The following STAG1 variants were observed in gnomAD, a reference collection of about 807,000 sequenced individuals.
STAG1 encodes the protein STAG1 cohesin complex component.
STAG1 carries 26 observed loss-of-function variants against 170.9 expected under a neutral mutation model. That is an observed-to-expected ratio of 0.15 (90% CI 0.11 to 0.21). The LOEUF is 0.21. Among genes scored for constraint, STAG1 ranks in the 10% least tolerant of loss-of-function variants. The pLI is 1.00. For synonymous variants in STAG1, 514 were observed against 497.7 expected (o/e 1.03, Z -0.44); for missense variants, 964 against 1,509.5 (o/e 0.64, Z 5.99).
At chr3:136,464,768 G>C in intron 13 of STAG1, 113 bp downstream of exon 13, 2 of 797,888 alleles carry the variant, frequency 2.5e-6, no homozygotes, top group Non-Finnish European at 4.0e-6. Flanking sequence ...TGGAGTATCA[G>C]ATGGACATTT....
chr3:136,540,024 C>T (rs1274344057), intron 6 of STAG1, among the ~76,000 whole-genome samples: 1 of 151,790 alleles, frequency 6.6e-6, no homozygotes, highest in African/African-American at 2.4e-5. Flanking sequence ...TTCTTGTCAT[C>T]AGATCTTTTA....
intron 4 of STAG1, among the ~76,000 whole-genome samples, chr3:136,600,682 C>G (rs2107803573): frequency 6.6e-6 from 1 of 152,214 alleles, no homozygotes; most frequent in South Asian, 2.1e-4. Flanking sequence ...CAGGCTTGCG[C>G]AACCATGCCC....
At chr3:136,660,476 C>T (rs535298984) in intron 1 of STAG1, among the ~76,000 whole-genome samples, 8 of 151,714 alleles carry the variant, frequency 5.3e-5, no homozygotes, top group Non-Finnish European at 8.8e-5. Context: ...ATGTTTTTCA[C>T]GAGAAAAAAA....
At chr3:136,470,627 C>G (rs187721703) in intron 12 of STAG1, among the ~76,000 whole-genome samples, 4 of 152,294 alleles carry the variant, frequency 2.6e-5, no homozygotes, top group African/African-American at 9.6e-5. Flanking sequence ...CCAGCCATCC[C>G]ATTACTGGGT....
At chr3:136,752,044 GGGCCCGCGCCC>G in intron 1 of STAG1, among the ~76,000 whole-genome samples, 140 bp downstream of exon 1, 1 of 150,926 alleles carries the variant, frequency 6.6e-6, no homozygotes, top group South Asian at 2.1e-4. Context: ...CCCCCGCACG[GGGCCCGCGCCC>G]GGCCCGCCCG....
intron 4 of STAG1, among the ~76,000 whole-genome samples, chr3:136,570,471 T>C (rs961259112): frequency 3.9e-5 from 6 of 152,236 alleles, no homozygotes; most frequent in Admixed American, 6.5e-5. Flanking sequence ...CTTTGCAGTT[T>C]AGGGCTATCA....
intron 21 of STAG1, among the ~76,000 whole-genome samples, chr3:136,400,613 G>T (rs986275032): frequency 6.6e-6 from 1 of 151,384 alleles, no homozygotes; most frequent in African/African-American, 2.4e-5. Flanking sequence ...TCGGCTCACT[G>T]CAACCTCCGC....
chr3:136,615,749 G>C (rs563453889), intron 3 of STAG1, among the ~76,000 whole-genome samples: 3 of 149,422 alleles, frequency 2.0e-5, no homozygotes, highest in South Asian at 2.1e-4. Flanking sequence ...CTGCACTCCA[G>C]CCTGGGCAAT....
Position 136,723,902 on chromosome 3 carries a change from G to A in STAG1, c.-84+28293C>T, listed in dbSNP as rs191553767. Among the ~76,000 whole-genome samples the A allele has an allele frequency of 5.9e-3, 869 of 147,130 alleles. 7 individuals carry two copies. Among genetic ancestry groups the A allele is most frequent in the African/African-American group, 0.021 (825 of 39,664 alleles). On this transcript the variant is annotated intron_variant, in intron 1 of 33. Transcript: ENST00000383202. The stretch of plus-strand genomic sequence containing the variant: ...TGGTGGGGGAGTCAGCCCCCCGCCC[G>A]GCCAGTCGCCCCGTCTGGGAGTGAG...
intron 24 of STAG1, 148 bp downstream of exon 24, chr3:136,368,960 G>A: frequency 1.7e-6 from 1 of 587,634 alleles, no homozygotes; most frequent in Non-Finnish European, 2.7e-6. Context: ...TAAAGTGCTA[G>A]GATTACTGGT....
chr3:136,694,064 TGAATACCACCTGGA>T (rs1383788192), intron 1 of STAG1, among the ~76,000 whole-genome samples: 1 of 152,222 alleles, frequency 6.6e-6, no homozygotes, highest in Non-Finnish European at 1.5e-5. Flanking sequence ...GAATTTTCTC[TGAATACCACCTGGA>T]GTCTGTTATA....
intron 21 of STAG1, among the ~76,000 whole-genome samples, chr3:136,416,601 A>G (rs1576444531): frequency 2.0e-5 from 3 of 152,342 alleles, no homozygotes; most frequent in East Asian, 3.9e-4. Context: ...ACTTAGAAGC[A>G]TGGCTTGAAA....
At chr3:136,507,546 T>G (rs917558744) in intron 7 of STAG1, among the ~76,000 whole-genome samples, 2 of 151,944 alleles carry the variant, frequency 1.3e-5, no homozygotes, top group Non-Finnish European at 2.9e-5. Context: ...AAAAATTTTT[T>G]TGTAGAGATG....
At chr3:136,471,923 G>A (rs1349219721) in intron 12 of STAG1, among the ~76,000 whole-genome samples, 1 of 152,050 alleles carries the variant, frequency 6.6e-6, no homozygotes, top group Non-Finnish European at 1.5e-5. Flanking sequence ...CTGCAGCTTT[G>A]ACCTTCTGGG....
At chr3:136,471,857 A>C (rs1217297580) in intron 12 of STAG1, among the ~76,000 whole-genome samples, 1 of 151,948 alleles carries the variant, frequency 6.6e-6, no homozygotes, top group East Asian at 1.9e-4. Context: ...TTTATTTTTG[A>C]CACAGGGTCC....
At chr3:136,659,599 C>T (rs552897062) in intron 1 of STAG1, among the ~76,000 whole-genome samples, 1 of 152,330 alleles carries the variant, frequency 6.6e-6, no homozygotes, top group East Asian at 1.9e-4. Context: ...GAAAACTCAA[C>T]TACCTTAAAG....
intron 28 of STAG1, among the ~76,000 whole-genome samples, chr3:136,349,734 G>A (rs1214044507): frequency 1.3e-5 from 2 of 152,210 alleles, no homozygotes; most frequent in African/African-American, 4.8e-5. Flanking sequence ...AGATGGTGGA[G>A]TAAGGAGGCT....
intron 1 of STAG1, among the ~76,000 whole-genome samples, chr3:136,642,463 G>C (rs1202161963): frequency 1.3e-5 from 2 of 151,484 alleles, no homozygotes; most frequent in African/African-American, 2.4e-5. Flanking sequence ...GTGGAGACGG[G>C]GTTTCACCAT....
intron 3 of STAG1, among the ~76,000 whole-genome samples, chr3:136,604,889 AT>A (rs1267183526): frequency 6.6e-6 from 1 of 152,136 alleles, no homozygotes; most frequent in African/African-American, 2.4e-5. Flanking sequence ...ACCTCAAATG[AT>A]TCGCCCACCT....
Sources: allele counts gnomAD v4.1 joint callset (sites outside exome capture counted in the v4.1 genomes callset), GRCh38; gene constraint gnomAD v4.1.1; transcripts MANE v1.5; gene names NCBI Gene and HGNC (gene_info 2026-07-23, HGNC 2026-07-21).